FGL1: variants seen among roughly 807,000 people sequenced by gnomAD.
The protein encoded by FGL1 is fibrinogen-like protein 1.
In FGL1, 59 loss-of-function variants were observed where a neutral mutation model predicts 43.7. That is an observed-to-expected ratio of 1.35 (90% CI 1.10 to 1.68). The LOEUF is 1.68. FGL1 is among the 40% of genes most tolerant of loss of function. The pLI is 0.00. For missense variants in FGL1, 596 were observed against 373.0 expected (o/e 1.60, Z -4.92); for synonymous variants, 192 against 126.5 (o/e 1.52, Z -3.48).
At position 17,868,578 on chromosome 8, in the gene FGL1, T is replaced by C. The variant is rs899919685; in HGVS notation, c.749A>G (p.Glu250Gly). 5 of 1,613,244 alleles carry C rather than the reference T, an allele frequency of 3.1e-6. No individual in the cohort carries two copies. Among genetic ancestry groups the C allele is most frequent in the Middle Eastern group, 1.6e-4 (1 of 6,062 alleles). Residue 250 changes from glutamate to glycine, a missense_variant, in exon 7 of 8, where the codon GAA (glutamate) becomes GGA (glycine). Coordinates refer to ENST00000427924, the MANE Select transcript of FGL1 (RefSeq NM_004467.4). ...DHDNYEGNCA[E>G]EDQSGWWFNR... is the part of the protein sequence containing the mutation. ...AAACCACCAGCCAGACTGATCTTCT[T>C]CTGCGCAGTTCCCTTCATAGTTGTC...
intron 3 of FGL1, among the ~76,000 whole-genome samples, chr8:17,881,273 A>T (rs2053531226): frequency 6.6e-6 from 1 of 151,574 alleles, no homozygotes; most frequent in African/African-American, 2.4e-5. Flanking sequence ...GGTAGCTGGG[A>T]CTACAGGCAC....
At chr8:17,880,682 A>T (rs982912646) in intron 3 of FGL1, among the ~76,000 whole-genome samples, 1 of 152,166 alleles carries the variant, frequency 6.6e-6, no homozygotes, top group African/African-American at 2.4e-5. Flanking sequence ...CATAAACAGA[A>T]ATTACAATGT....
rs896261405 is a variant in FGL1, at chr8:17,868,861, T to C, written c.591+55A>G. The C allele has an allele frequency of 6.1e-6, 9 of 1,471,806 alleles. No homozygotes were observed. The African/African-American group carries it at 8.5e-5, about 14-fold the overall frequency. The allele number at this position is 1,471,806 out of a possible 1,614,324, so 91.2% of individuals were successfully genotyped here. On this transcript the variant is annotated intron_variant, in intron 6 of 7. Transcript: ENST00000427924. ...TTTATTTCCACTGACTCCAGGGTTATATTGCACATTTTAAGCATTTATTCA... is the reference window on the plus strand; with the variant it reads ...TTTATTTCCACTGACTCCAGGGTTACATTGCACATTTTAAGCATTTATTCA...
chr8:17,867,178 A>T (rs2053281454), intron 7 of FGL1, among the ~76,000 whole-genome samples: 1 of 152,222 alleles, frequency 6.6e-6, no homozygotes, highest in African/African-American at 2.4e-5. Context: ...GATGCCTGAA[A>T]CTACAGATAA....
intron 4 of FGL1, 32 bp from the exon 5 acceptor site, chr8:17,874,148 C>A (rs779167895): frequency 3.8e-6 from 6 of 1,564,144 alleles, no homozygotes; most frequent in South Asian, 2.3e-5. Flanking sequence ...CCGATTAGAG[C>A]AAACTCCATT....
chr8:17,880,197 C>T (rs2427732), intron 3 of FGL1, among the ~76,000 whole-genome samples: 30,193 of 151,832 alleles, frequency 0.2, 4,153 homozygotes, highest in African/African-American at 0.39. Flanking sequence ...TCTCTAAGGG[C>T]CAGAGGGAGG....
At position 17,864,574 on chromosome 8, in the gene FGL1, A is replaced by G; in HGVS notation, c.*18T>C. ...TAAACAAAGCTGAATTGCAGAAACG[A>G]AAGCCCAACAGCAGCAATTAAATTA... On this transcript the variant is annotated 3_prime_UTR_variant, in exon 8 of 8. Transcript: ENST00000427924. 1 of 1,596,032 alleles carries G rather than the reference A, an allele frequency of 6.3e-7. No individual in the cohort carries two copies. The highest frequency in any genetic ancestry group is 8.5e-7 in the Non-Finnish European group (1 of 1,174,164).
At chr8:17,873,969 GT>G (rs1245652068) in intron 5 of FGL1, 49 bp downstream of exon 5, 6 of 1,374,194 alleles carry the variant, frequency 4.4e-6, no homozygotes, top group African/African-American at 3.0e-5. Context: ...AAAAATTTTA[GT>G]GTTGTTTTTA....
chr8:17,885,290 A>T (rs1389525403), intron 2 of FGL1, among the ~76,000 whole-genome samples: 1 of 152,014 alleles, frequency 6.6e-6, no homozygotes, highest in East Asian at 1.9e-4. Flanking sequence ...TGATCCACCC[A>T]TCTCGGCCTC....
chr8:17,875,858 C>T (rs145339594), intron 3 of FGL1, among the ~76,000 whole-genome samples: 5 of 152,198 alleles, frequency 3.3e-5, no homozygotes, highest in African/African-American at 9.6e-5. Flanking sequence ...CCGCCCGCCT[C>T]GGCCTCCAAA....
intron 5 of FGL1, among the ~76,000 whole-genome samples, chr8:17,870,436 T>C: frequency 6.6e-6 from 1 of 152,178 alleles, no homozygotes; most frequent in Non-Finnish European, 1.5e-5. Context: ...CTTTGATAAA[T>C]AAGATATAAC....
chr8:17,885,673 G>A (rs2053617800), intron 1 of FGL1, 102 bp from the exon 2 acceptor site: 2 of 881,880 alleles, frequency 2.3e-6, no homozygotes, highest in South Asian at 1.6e-5. Context: ...GCAGCCGCAG[G>A]CCATCCCTAA....
chr8:17,875,990 C>G (rs558597319), intron 3 of FGL1, among the ~76,000 whole-genome samples: 1 of 152,212 alleles, frequency 6.6e-6, no homozygotes, highest in African/African-American at 2.4e-5. Flanking sequence ...TCTGTACAGA[C>G]TTAGAGAACG....
At chr8:17,886,161 G>A (rs963162634) in intron 1 of FGL1, among the ~76,000 whole-genome samples, 1 of 152,310 alleles carries the variant, frequency 6.6e-6, no homozygotes, top group African/African-American at 2.4e-5. Context: ...TATTCCTCAG[G>A]AGGCAAAATC....
At chr8:17,875,533 T>TC (rs2053436900) in intron 3 of FGL1, among the ~76,000 whole-genome samples, 1 of 11,846 alleles carries the variant, frequency 8.4e-5, no homozygotes, top group African/African-American at 2.3e-4. Flanking sequence ...CTTTCTTTCT[T>TC]TCTCTTTCTT....
intron 5 of FGL1, among the ~76,000 whole-genome samples, chr8:17,872,157 TAG>T (rs2053373223): frequency 6.6e-6 from 1 of 152,134 alleles, no homozygotes; most frequent in East Asian, 1.9e-4. Context: ...ATAAGGTTTC[TAG>T]GATTACTCAT....
Position 17,874,464 on chromosome 8 carries a change from G to A in FGL1, c.302C>T (p.Pro101Leu). The A allele has an allele frequency of 6.2e-7, 1 of 1,613,956 alleles. No homozygotes were observed. The highest frequency in any genetic ancestry group is 8.5e-7 in the Non-Finnish European group (1 of 1,179,926). Residue 101 changes from proline to leucine, a missense_variant, in exon 4 of 8, where the codon CCT (proline) becomes CTT (leucine). Physicochemically the swap from Pro to Leu is moderately conservative, Grantham distance 98. Transcript: ENST00000427924. Reference sequence around the variant, plus strand: ...AGAAAATTCTGCTGGGCTCTGGAGAGGTTTGATTTTGTAAAATCCACTGAG... The same window carrying A: ...AGAAAATTCTGCTGGGCTCTGGAGAAGTTTGATTTTGTAAAATCCACTGAG... The part of the protein sequence containing the change: ...YKLSGFYKIK[P>L]LQSPAEFSVY...
At chr8:17,876,373 A>G (rs993245376) in intron 3 of FGL1, among the ~76,000 whole-genome samples, 19 of 152,194 alleles carry the variant, frequency 1.2e-4, no homozygotes, top group African/African-American at 4.6e-4. Flanking sequence ...GAAAAGAAAG[A>G]ACCTTAGTCA....
At chr8:17,887,616 G>A (rs1285788799) in intron 1 of FGL1, among the ~76,000 whole-genome samples, 6 of 152,110 alleles carry the variant, frequency 3.9e-5, no homozygotes, top group South Asian at 2.1e-4. Flanking sequence ...TCGAGAGGCC[G>A]AGGCGGGCGG....
Sources: gnomAD v4.1 joint callset for allele counts (sites outside exome capture counted in the v4.1 genomes callset) on GRCh38, gnomAD v4.1.1 for gene constraint, MANE v1.5 for transcripts, NCBI Gene and HGNC (gene_info 2026-07-23, HGNC 2026-07-21) for gene names.